PRSS3: variants seen among roughly 807,000 people sequenced by gnomAD.
PRSS3 encodes serine protease 3, also known as trypsin-3.
Under a neutral mutation model 20.8 loss-of-function variants are expected in PRSS3, and 14 were observed. The observed-to-expected ratio is 0.67, with a 90% CI of 0.44 to 1.05. The LOEUF (loss-of-function observed/expected upper bound fraction) is 1.05, where lower values mean the gene tolerates loss of function less well. Among genes scored for constraint, PRSS3 ranks in the 50% least tolerant of loss-of-function variants. PRSS3 has a pLI of 0.00. For missense variants in PRSS3, 237 were observed against 306.4 expected (o/e 0.77, Z 1.69); for synonymous variants, 91 against 117.6 (o/e 0.77, Z 1.46).
chr9:33,783,825 G>A (rs544582975), intron 1 of PRSS3, among the ~76,000 whole-genome samples: 2 of 150,270 alleles, frequency 1.3e-5, no homozygotes, highest in East Asian at 3.9e-4. Context: ...AGGAGGCGGA[G>A]CTTGCAGTGA....
In PRSS3 at chr9:33,769,133, A is replaced by G. The variant is rs544039032; in HGVS notation, c.-53+18406A>G. On this transcript the variant is annotated intron_variant, in intron 1 of 5. Coordinates refer to the PRSS3 transcript ENST00000342836. ...TATTTAGCTGAGGAGATTTCTAAGC[A>G]AAATACTGAAGGTGGCCTGATTTCT... 1.8e-4 allele frequency among the ~76,000 whole-genome samples: 27 copies of G among 152,356 alleles called. 1 individual carries two copies. The highest frequency in any genetic ancestry group is 6.5e-4 in the African/African-American group (27 of 41,588).
intron 1 of PRSS3, among the ~76,000 whole-genome samples, chr9:33,789,188 T>C (rs1443971224): frequency 1.3e-5 from 2 of 152,246 alleles, no homozygotes; most frequent in East Asian, 1.9e-4. Context: ...GGGTGGCCTA[T>C]TTCCTTGGGC....
chr9:33,764,895 C>G (rs1426669231), intron 1 of PRSS3, among the ~76,000 whole-genome samples: 1 of 152,068 alleles, frequency 6.6e-6, no homozygotes, highest in Non-Finnish European at 1.5e-5. Flanking sequence ...GCCCAATAAG[C>G]ACATGAAAAG....
chr9:33,751,609 C>T (rs1054131759), intron 1 of PRSS3, among the ~76,000 whole-genome samples: 3 of 152,160 alleles, frequency 2.0e-5, no homozygotes, highest in Non-Finnish European at 4.4e-5. Flanking sequence ...TGCTTTCTGC[C>T]GTGTCTGCCG....
chr9:33,778,955 A>G (rs967535666), intron 1 of PRSS3, among the ~76,000 whole-genome samples: 1 of 152,244 alleles, frequency 6.6e-6, no homozygotes, highest in South Asian at 2.1e-4. Flanking sequence ...GGATCACGGC[A>G]CAAACTACCA....
At chr9:33,786,754 C>A (rs1204336344) in intron 1 of PRSS3, 3 of 765,958 alleles carry the variant, frequency 3.9e-6, no homozygotes, top group Non-Finnish European at 4.8e-6. Flanking sequence ...GCCGCCCAAA[C>A]CTAACATTCT....
upstream of PRSS3, chr9:33,795,423 G>A (rs968951247): frequency 1.6e-5 from 18 of 1,092,874 alleles, no homozygotes; most frequent in African/African-American, 4.7e-5. Flanking sequence ...AAACGTAGCC[G>A]AGCTGATGCA....
chr9:33,766,962 AT>A (rs34542469), intron 1 of PRSS3, among the ~76,000 whole-genome samples: 54,775 of 147,818 alleles, frequency 0.37, 10,058 homozygotes, highest in African/African-American at 0.42. Context: ...TACATGGTGG[AT>A]TTTTTTTTTT....
intron 1 of PRSS3, among the ~76,000 whole-genome samples, chr9:33,775,710 T>G (rs1218630744): frequency 2.6e-5 from 4 of 150,992 alleles, no homozygotes; most frequent in Non-Finnish European, 5.9e-5. Flanking sequence ...GTTTTTTTTT[T>G]TTTTTTTTTG....
At chr9:33,751,541 G>A (rs1353994044) in intron 1 of PRSS3, among the ~76,000 whole-genome samples, 14 of 152,074 alleles carry the variant, frequency 9.2e-5, no homozygotes, top group Admixed American at 8.5e-4. Flanking sequence ...AAAATTTGAG[G>A]GCAGGTAGCT....
intron 4 of PRSS3, 80 bp from the exon 5 acceptor site, chr9:33,798,948 T>C (rs1587406666): frequency 2.9e-5 from 45 of 1,545,774 alleles, no homozygotes; most frequent in Non-Finnish European, 3.9e-5. Flanking sequence ...TGGAAAGGGG[T>C]CTTTTAAGGT....
At chr9:33,767,605 C>T (rs1823493843) in intron 1 of PRSS3, among the ~76,000 whole-genome samples, 1 of 152,176 alleles carries the variant, frequency 6.6e-6, no homozygotes, top group Non-Finnish European at 1.5e-5. Flanking sequence ...GGGTGGATCA[C>T]CTGAGCTCAG....
chr9:33,750,968 G>A lies in PRSS3; in HGVS notation c.-53+241G>A, dbSNP rs1587363189. ...CCTGGTGTCGCAGAAGCCCACCTGG[G>A]GCCCCCTCCGGGCTGCGGCACCGAT... On this transcript the variant is annotated intron_variant, in intron 1 of 5. Coordinates refer to the PRSS3 transcript ENST00000342836. This position sits in a 1 kb window ranked among gnomAD's most constrained non-coding sequence, Gnocchi z 4.8. 1 of 980,806 alleles carries A rather than the reference G, an allele frequency of 1.0e-6. No homozygotes were observed. The highest frequency in any genetic ancestry group is 3.2e-5 in the East Asian group (1 of 30,850). 60.8% of individuals were successfully genotyped at this position (980,806 alleles called of 1,614,324 possible).
intron 1 of PRSS3, among the ~76,000 whole-genome samples, chr9:33,775,217 A>T (rs1031298461): frequency 3.3e-5 from 5 of 152,192 alleles, no homozygotes; most frequent in African/African-American, 4.8e-5. Context: ...TTAGGCAAGT[A>T]GGAGATTGTG....
chr9:33,786,302 A>G, intron 1 of PRSS3: 1 of 571,230 alleles, frequency 1.8e-6, no homozygotes, highest in Non-Finnish European at 3.1e-6. Flanking sequence ...AATGCTGGGT[A>G]GAGAGGTGGA....
intron 1 of PRSS3, among the ~76,000 whole-genome samples, chr9:33,759,581 A>T (rs1823091603): frequency 6.6e-6 from 1 of 152,154 alleles, no homozygotes; most frequent in South Asian, 2.1e-4. Flanking sequence ...TTGGGATATG[A>T]GAAGAGAAGC....
intron 1 of PRSS3, among the ~76,000 whole-genome samples, chr9:33,777,654 G>T (rs377576189): frequency 1.3e-5 from 2 of 149,890 alleles, no homozygotes; most frequent in African/African-American, 4.9e-5. Flanking sequence ...CTTGCAGTGA[G>T]CCGAGATCGC....
chr9:33,771,642 T>G (rs1397271005), intron 1 of PRSS3, among the ~76,000 whole-genome samples: 7 of 119,308 alleles, frequency 5.9e-5, no homozygotes, highest in African/African-American at 1.2e-4. Flanking sequence ...TTTTTGTTTT[T>G]TTGTTTTTTT....
chr9:33,794,767 C>T, upstream of PRSS3: 2 of 1,550,124 alleles, frequency 1.3e-6, no homozygotes, highest in Non-Finnish European at 1.7e-6. Flanking sequence ...AACCGTGAGG[C>T]TGCATAAAAA....
Sources: allele counts gnomAD v4.1 joint callset (sites outside exome capture counted in the v4.1 genomes callset), GRCh38; gene constraint gnomAD v4.1.1; non-coding constraint Gnocchi (gnomAD v3.1); transcripts MANE v1.5; gene names NCBI Gene and HGNC (gene_info 2026-07-23, HGNC 2026-07-21).